The following LTBP1 variants were observed in gnomAD, a reference collection of about 807,000 sequenced individuals.
The protein encoded by LTBP1 is latent transforming growth factor beta binding protein 1.
Under a neutral mutation model 207.6 loss-of-function variants are expected in LTBP1, and 129 were observed. The observed-to-expected ratio is 0.62, with a 90% confidence interval of 0.54 to 0.72. The LOEUF (loss-of-function observed/expected upper bound fraction) is 0.72, where lower values mean the gene tolerates loss of function less well. LTBP1 is among the 30% of genes least tolerant of loss of function. LTBP1 has a pLI of 0.00. For synonymous variants in LTBP1, 963 were observed against 833.7 expected, an observed-to-expected ratio of 1.16 and a Z score of -2.67; for missense variants, 2,281 against 2,217.2, an observed-to-expected ratio of 1.03 and a Z score of -0.58.
intron 3 of LTBP1, among the ~76,000 whole-genome samples, chr2:33,028,553 A>G (rs1307867296): frequency 6.6e-6 from 1 of 152,200 alleles, no homozygotes; most frequent in African/African-American, 2.4e-5. Flanking sequence ...CTGTAATCCC[A>G]GCTGTATCTC....
intron 5 of LTBP1, among the ~76,000 whole-genome samples, chr2:33,136,589 A>G (rs747833319): frequency 2.8e-4 from 42 of 152,228 alleles, no homozygotes; most frequent in Non-Finnish European, 4.3e-4. Context: ...TCACCACTTT[A>G]TCTTTCTTGG....
intron 9 of LTBP1, among the ~76,000 whole-genome samples, chr2:33,237,863 G>A (rs2092122665): frequency 6.6e-6 from 1 of 152,126 alleles, no homozygotes; most frequent in Non-Finnish European, 1.5e-5. Context: ...GGGGAAGATA[G>A]GAAAGGAAGA....
chr2:33,136,599 G>A (rs569237593), intron 5 of LTBP1, among the ~76,000 whole-genome samples: 2 of 152,100 alleles, frequency 1.3e-5, no homozygotes, highest in East Asian at 3.9e-4. Context: ...ATCTTTCTTG[G>A]TTGCCTTCCT....
rs529190789 is a variant in LTBP1, at chr2:33,301,529, T to C, written c.3366T>C (p.Asp1122=). 1.1e-5 allele frequency: 17 copies of C among 1,593,542 alleles called. No individual in the cohort carries two copies. In the South Asian group the frequency reaches 1.4e-4, roughly 13 times the overall value. Residue 1122 remains aspartate, a synonymous_variant, in exon 22 of 34, where the codon GAT becomes GAC. Coordinates refer to ENST00000404816, the MANE Select transcript of LTBP1 (RefSeq NM_206943.4). ...GTATTCTCTTGCTCATAGACATTGA[T>C]GAATGCCAGCACCGTCATCTCTGTG... ...SAAKDQCEDI[D]ECQHRHLCAH...
At chr2:33,209,038 T>C (rs2090098313) in intron 7 of LTBP1, among the ~76,000 whole-genome samples, 1 of 151,890 alleles carries the variant, frequency 6.6e-6, no homozygotes, top group Non-Finnish European at 1.5e-5. Context: ...TGGCTATTTT[T>C]TTGTGTGTGT....
chr2:33,185,508 T>C (rs2087103983), intron 5 of LTBP1, among the ~76,000 whole-genome samples: 1 of 152,164 alleles, frequency 6.6e-6, no homozygotes, highest in Non-Finnish European at 1.5e-5. Context: ...GATGAAATCA[T>C]AGAGAAAGAG....
intron 22 of LTBP1, among the ~76,000 whole-genome samples, chr2:33,305,812 T>A (rs1019078569): frequency 1.3e-5 from 2 of 152,066 alleles, no homozygotes; most frequent in Non-Finnish European, 2.9e-5. Flanking sequence ...AAACCCAGAA[T>A]CCAAGAGAAG....
At chr2:33,394,934 C>A (rs1449906469) in intron 32 of LTBP1, among the ~76,000 whole-genome samples, 1 of 152,104 alleles carries the variant, frequency 6.6e-6, no homozygotes, top group Non-Finnish European at 1.5e-5. Flanking sequence ...GTATTCTGTT[C>A]CTGCGTTAGT....
At chr2:33,133,327 G>T (rs2081931372) in intron 4 of LTBP1, among the ~76,000 whole-genome samples, 1 of 152,048 alleles carries the variant, frequency 6.6e-6, no homozygotes, top group Non-Finnish European at 1.5e-5. Flanking sequence ...GGGCAAAGAT[G>T]GTATAAAAAA....
intron 7 of LTBP1, among the ~76,000 whole-genome samples, chr2:33,194,094 C>G (rs918218405): frequency 6.6e-6 from 1 of 152,160 alleles, no homozygotes; most frequent in African/African-American, 2.4e-5. Flanking sequence ...TCACGCCATT[C>G]TCCTGCCTCA....
chr2:33,302,177 C>G (rs1231041717), intron 22 of LTBP1, among the ~76,000 whole-genome samples: 1 of 152,184 alleles, frequency 6.6e-6, no homozygotes, highest in Non-Finnish European at 1.5e-5. Context: ...ACCAGGCCTG[C>G]TTATGGAGCG....
At chr2:33,333,171 G>A (rs2094516634) in intron 24 of LTBP1, among the ~76,000 whole-genome samples, 1 of 151,780 alleles carries the variant, frequency 6.6e-6, no homozygotes, top group Non-Finnish European at 1.5e-5. Context: ...TTAATACTGG[G>A]GCACTTCCTA....
intron 7 of LTBP1, among the ~76,000 whole-genome samples, chr2:33,215,737 A>T (rs570570921): frequency 3.6e-4 from 31 of 86,990 alleles, no homozygotes; most frequent in African/African-American, 8.4e-4. Context: ...TTTTTTTTTG[A>T]GATAGAGTCT....
intron 9 of LTBP1, 84 bp from the exon 10 acceptor site, chr2:33,243,578 A>C (rs995452466): frequency 3.9e-6 from 5 of 1,294,496 alleles, no homozygotes; most frequent in African/African-American, 1.5e-5. Flanking sequence ...TACTATAGTG[A>C]AAAAGGAAGT....
chr2:33,342,999 T>C, intron 25 of LTBP1, 36 bp downstream of exon 25: 1 of 1,600,946 alleles, frequency 6.2e-7, no homozygotes, highest in Middle Eastern at 1.7e-4. Context: ...GTGTTTCACA[T>C]GTCCCTAGGG....
chr2:33,331,530 T>G lies in LTBP1; in HGVS notation c.3731-11308T>G, dbSNP rs1340288502. ...ATGTTTGGGTATTTTCTGGTTAACT[T>G]TTTGTTACTGGTTTCTACCTTAAAA... On this transcript the variant is annotated intron_variant, in intron 24 of 33. Coordinates refer to ENST00000404816, the MANE Select transcript of LTBP1 (RefSeq NM_206943.4). Among the ~76,000 whole-genome samples the G allele has an allele frequency of 2.0e-5, 3 of 152,276 alleles. No homozygotes were observed. The East Asian group carries it at 5.8e-4, about 29-fold the overall frequency.
chr2:32,952,715 G>A (rs138698225), intron 2 of LTBP1, among the ~76,000 whole-genome samples: 280 of 151,956 alleles, frequency 1.8e-3, no homozygotes, highest in African/African-American at 6.6e-3. Flanking sequence ...TTTTGCCCCC[G>A]TCTCAGGGTA....
rs148771281 is a variant in LTBP1, at chr2:33,029,730, C to T, written c.863+8524C>T. On this transcript the variant is annotated intron_variant, in intron 3 of 33. Transcript: ENST00000404816. ...TCGTTTACATGTCAGTGTCTGACTC[C>T]GCTTAACAAAATAGTGGAAAAATAC... 4.1e-3 allele frequency among the ~76,000 whole-genome samples: 631 copies of T among 152,184 alleles called. 5 individuals are homozygous for T. The highest frequency in any genetic ancestry group is 0.013 in the African/African-American group (522 of 41,508).
intron 4 of LTBP1, among the ~76,000 whole-genome samples, chr2:33,125,382 C>T (rs1398114944): frequency 1.3e-5 from 2 of 152,142 alleles, no homozygotes; most frequent in African/African-American, 4.8e-5. Context: ...GTCCTTGTCT[C>T]TCGAGTCTGC....
Sources: allele counts gnomAD v4.1 joint callset (sites outside exome capture counted in the v4.1 genomes callset), GRCh38; gene constraint gnomAD v4.1.1; transcripts MANE v1.5; gene names NCBI Gene and HGNC (gene_info 2026-07-23, HGNC 2026-07-21).